DNAJC15: variants seen among roughly 807,000 people sequenced by gnomAD.
The protein encoded by DNAJC15 is DnaJ heat shock protein family (Hsp40) member C15.
DNAJC15 carries 27 observed loss-of-function variants against 22.4 expected under a neutral mutation model. The observed-to-expected ratio is 1.20, with a 90% confidence interval of 0.89 to 1.66. The LOEUF is 1.66. Ranked by LOEUF, DNAJC15 falls within the 40% of genes most tolerant of loss-of-function variation. DNAJC15 has a pLI of 0.00. For missense variants in DNAJC15, 208 were observed against 187.1 expected, an observed-to-expected ratio of 1.11 and a Z score of -0.65; for synonymous variants, 79 against 63.2, an observed-to-expected ratio of 1.25 and a Z score of -1.19.
At chr13:43,061,453 G>T (rs2040558543) in intron 1 of DNAJC15, among the ~76,000 whole-genome samples, 1 of 152,192 alleles carries the variant, frequency 6.6e-6, no homozygotes, top group African/African-American at 2.4e-5. Flanking sequence ...GATGCCTTTT[G>T]ATGGTCTTTG....
chr13:43,072,158 T>G (rs964164214), intron 3 of DNAJC15, among the ~76,000 whole-genome samples: 2 of 152,170 alleles, frequency 1.3e-5, no homozygotes, highest in African/African-American at 4.8e-5. Context: ...TGTTTGGGTT[T>G]TGGGGTTTTA....
At chr13:43,094,886 G>T (rs1316881298) in intron 5 of DNAJC15, among the ~76,000 whole-genome samples, 3 of 151,972 alleles carry the variant, frequency 2.0e-5, no homozygotes, top group Admixed American at 6.6e-5. Context: ...AAGGGAAAAA[G>T]CAATTTCAGA....
chr13:43,099,393 G>T (rs74060905), intron 5 of DNAJC15, among the ~76,000 whole-genome samples: 2,538 of 152,120 alleles, frequency 0.017, 81 homozygotes, highest in East Asian at 0.1. Flanking sequence ...AACCTCATTA[G>T]ACTGGCTTGA....
chr13:43,092,719 C>T (rs1036243190), intron 5 of DNAJC15, among the ~76,000 whole-genome samples: 1 of 152,116 alleles, frequency 6.6e-6, no homozygotes, highest in African/African-American at 2.4e-5. Context: ...CAAGACCAGC[C>T]TGGGCAACAT....
chr13:43,061,518 A>G (rs1220072679), intron 1 of DNAJC15, among the ~76,000 whole-genome samples: 1 of 152,216 alleles, frequency 6.6e-6, no homozygotes, highest in Non-Finnish European at 1.5e-5. Flanking sequence ...AAGAGTTTTT[A>G]TTAAAGAGGC....
chr13:43,106,065 C>G (rs1396908555), intron 5 of DNAJC15, among the ~76,000 whole-genome samples: 1 of 152,132 alleles, frequency 6.6e-6, no homozygotes, highest in East Asian at 1.9e-4. Context: ...GTTTGTTGAT[C>G]TATTTTCTTT....
intron 5 of DNAJC15, among the ~76,000 whole-genome samples, chr13:43,089,449 A>T (rs2040704264): frequency 6.6e-6 from 1 of 152,198 alleles, no homozygotes; most frequent in African/African-American, 2.4e-5. Context: ...TTTACATAGG[A>T]TGACTGGGAA....
intron 1 of DNAJC15, among the ~76,000 whole-genome samples, chr13:43,040,303 T>C (rs944055699): frequency 1.3e-5 from 2 of 152,200 alleles, no homozygotes; most frequent in Non-Finnish European, 2.9e-5. Context: ...ATGCTGAAGG[T>C]TTTAAAATAT....
At chr13:43,042,430 C>T (rs2040458430) in intron 1 of DNAJC15, among the ~76,000 whole-genome samples, 1 of 152,196 alleles carries the variant, frequency 6.6e-6, no homozygotes, top group Non-Finnish European at 1.5e-5. Context: ...AGCAGGCACT[C>T]TCCTGTGTTA....
intron 3 of DNAJC15, among the ~76,000 whole-genome samples, chr13:43,072,464 A>C (rs2040613524): frequency 6.6e-6 from 1 of 151,704 alleles, no homozygotes; most frequent in East Asian, 1.9e-4. Context: ...CCATCTCCTT[A>C]TCTTTCTTTG....
At chr13:43,101,724 G>A (rs1305130496) in intron 5 of DNAJC15, among the ~76,000 whole-genome samples, 1 of 152,084 alleles carries the variant, frequency 6.6e-6, no homozygotes, top group African/African-American at 2.4e-5. Flanking sequence ...ATAGAATAAT[G>A]GTCTCCAATT....
At chr13:43,027,163 CA>C (rs2040384222) in intron 1 of DNAJC15, among the ~76,000 whole-genome samples, 2 of 152,150 alleles carry the variant, frequency 1.3e-5, no homozygotes, top group Admixed American at 6.5e-5. Context: ...GCAGTTTGAA[CA>C]AAACTCAGTT....
At chr13:43,061,290 A>G (rs2040557845) in intron 1 of DNAJC15, among the ~76,000 whole-genome samples, 2 of 152,078 alleles carry the variant, frequency 1.3e-5, no homozygotes, top group Non-Finnish European at 2.9e-5. Flanking sequence ...GTCAGATGAG[A>G]AGGAGAAAAG....
intron 1 of DNAJC15, 52 bp from the exon 2 acceptor site, chr13:43,065,634 T>G: frequency 6.9e-7 from 1 of 1,447,154 alleles, no homozygotes; most frequent in Non-Finnish European, 9.7e-7. Flanking sequence ...ATGATTTACT[T>G]TTAAAACCCA....
intron 1 of DNAJC15, among the ~76,000 whole-genome samples, chr13:43,057,008 G>A (rs2040534673): frequency 2.0e-5 from 3 of 152,132 alleles, no homozygotes; most frequent in Non-Finnish European, 4.4e-5. Flanking sequence ...TTCCTTTATA[G>A]ATTACCTGAT....
chr13:43,093,295 G>A (rs2040723964), intron 5 of DNAJC15, among the ~76,000 whole-genome samples: 1 of 151,982 alleles, frequency 6.6e-6, no homozygotes, highest in Admixed American at 6.6e-5. Context: ...TTGTATGAAA[G>A]CAACAGTTTT....
intron 5 of DNAJC15, among the ~76,000 whole-genome samples, chr13:43,086,944 G>A (rs1243501894): frequency 6.6e-6 from 1 of 152,104 alleles, no homozygotes; most frequent in African/African-American, 2.4e-5. Flanking sequence ...AATGGACTTC[G>A]GAGCAAGGGA....
chr13:43,024,967 G>A (rs1226657821), intron 1 of DNAJC15, among the ~76,000 whole-genome samples: 1 of 150,554 alleles, frequency 6.6e-6, no homozygotes, highest in African/African-American at 2.5e-5. Flanking sequence ...AGGCTGGGTC[G>A]GGAGAATCAC....
intron 1 of DNAJC15, among the ~76,000 whole-genome samples, chr13:43,055,550 A>AC (rs1229538297): frequency 6.6e-6 from 1 of 152,082 alleles, no homozygotes; most frequent in Non-Finnish European, 1.5e-5. Context: ...CTTGGTATTT[A>AC]CCCCAGACAA....
Sources: allele counts gnomAD v4.1 joint callset (sites outside exome capture counted in the v4.1 genomes callset), GRCh38; gene constraint gnomAD v4.1.1; transcripts MANE v1.5; gene names NCBI Gene and HGNC (gene_info 2026-07-23, HGNC 2026-07-21).